Variants in NOL4 observed in about 807,000 individuals in gnomAD.
NOL4 encodes the protein cancer/testis antigen 125.
A neutral mutation model predicts 75.9 loss-of-function variants in NOL4; 17 were observed. That is an observed-to-expected ratio of 0.22 (90% CI 0.15 to 0.34). The LOEUF is 0.34. NOL4 is among the 10% of genes least tolerant of loss of function. The pLI, the probability that NOL4 is intolerant of heterozygous loss-of-function variation, is 1.00. For synonymous variants in NOL4, 292 were observed against 289.9 expected (o/e 1.01, Z -0.07); for missense variants, 614 against 793.5 (o/e 0.77, Z 2.72).
rs759397338 is a variant in NOL4 at position 34,223,110 on chromosome 18, C to T, written c.144G>A (p.Thr48=). Residue 48 remains threonine, a synonymous_variant, in exon 1 of 11, where the codon ACG becomes ACA. Coordinates refer to ENST00000261592, the MANE Select transcript of NOL4 (RefSeq NM_003787.5). ...QLLNGSESSS[T]DNAKFKFWVK... ...CCCAGAATTTAAATTTGGCGTTGTC[C>T]GTGGAGCTCGACTCGGAGCCATTGA... is the stretch of plus-strand genomic sequence containing the variant. 2 of 1,614,128 alleles carry T rather than the reference C, an allele frequency of 1.2e-6. No individual in the cohort carries two copies. Among genetic ancestry groups the T allele is most frequent in the South Asian group, 1.1e-5 (1 of 91,074 alleles).
chr18:33,879,317 T>C lies in NOL4; in HGVS notation c.1723+3927A>G, dbSNP rs539304713. Among the ~76,000 whole-genome samples, 10 of 152,178 alleles carry C rather than the reference T, an allele frequency of 6.6e-5. No individual in the cohort carries two copies. The South Asian group carries it at 2.1e-3, about 32-fold the overall frequency. ...TCCAATAGTATAAATCCTTATTCCA[T>C]GAATGTTGGCATTCTATAAGTACTT... On this transcript the variant is annotated intron_variant, in intron 10 of 10. Transcript: ENST00000261592.
chr18:34,001,111 T>TA (rs2073666927), intron 6 of NOL4, among the ~76,000 whole-genome samples: 1 of 152,180 alleles, frequency 6.6e-6, no homozygotes, highest in South Asian at 2.1e-4. Context: ...ATCAACAGTC[T>TA]CAGTGTAAGA....
intron 5 of NOL4, among the ~76,000 whole-genome samples, chr18:34,088,828 A>G (rs538497874): frequency 6.6e-6 from 1 of 152,208 alleles, no homozygotes; most frequent in Non-Finnish European, 1.5e-5. Context: ...GTTTTTATTG[A>G]GTTAGGGAAA....
At chr18:33,900,056 A>G (rs1022295919) in intron 9 of NOL4, among the ~76,000 whole-genome samples, 1 of 152,172 alleles carries the variant, frequency 6.6e-6, no homozygotes, top group Non-Finnish European at 1.5e-5. Context: ...TCCATTTTGC[A>G]CTGCTATAAA....
rs148036268 is a variant in NOL4 at position 33,898,929 on chromosome 18, G to T, written c.1543-15505C>A. Among the ~76,000 whole-genome samples, 293 of 152,178 alleles carry T rather than the reference G, an allele frequency of 1.9e-3. 2 individuals are homozygous for T. Among genetic ancestry groups the T allele is most frequent in the Middle Eastern group, 3.4e-3 (1 of 294 alleles). ...AGTCAGACTATGACAGTGAAAAGCA[G>T]GCCTAACATTATTAACTCAATTTTG... On this transcript the variant is annotated intron_variant, in intron 9 of 10. Transcript: ENST00000261592.
chr18:34,172,841 T>C (rs1292075398), intron 1 of NOL4, among the ~76,000 whole-genome samples: 1 of 152,144 alleles, frequency 6.6e-6, no homozygotes, highest in Admixed American at 6.6e-5. Context: ...TTCTGGTTTT[T>C]GCACATTTTA....
chr18:33,862,218 T>A (rs950878370), intron 10 of NOL4, among the ~76,000 whole-genome samples: 1 of 152,104 alleles, frequency 6.6e-6, no homozygotes, highest in Non-Finnish European at 1.5e-5. Flanking sequence ...GCTAGCCATA[T>A]GTAGAAAGCT....
chr18:34,072,990 G>C (rs1220865568), intron 5 of NOL4, among the ~76,000 whole-genome samples: 2 of 152,114 alleles, frequency 1.3e-5, no homozygotes, highest in Non-Finnish European at 2.9e-5. Flanking sequence ...TATTAGCTAT[G>C]AGGAGTTTAA....
In NOL4 at chr18:34,104,442, G is replaced by T. The variant is rs2079176813; in HGVS notation, c.527-283C>A. Among the ~76,000 whole-genome samples, 7 of 152,036 alleles carry T rather than the reference G, an allele frequency of 4.6e-5. No individual in the cohort carries two copies. In the South Asian group the frequency reaches 1.4e-3, roughly 31 times the overall value. Reference sequence around the variant, plus strand: ...AATGTGGTTACTAACACAATTATTTGTATTTTTCTTCTTTGCTTTACTTTC... The same window carrying T: ...AATGTGGTTACTAACACAATTATTTTTATTTTTCTTCTTTGCTTTACTTTC... On this transcript the variant is annotated intron_variant, in intron 3 of 10. Transcript: ENST00000261592.
Position 34,192,078 on chromosome 18 carries a change from T to C in NOL4, c.264+30912A>G, listed in dbSNP as rs76510922. On this transcript the variant is annotated intron_variant, in intron 1 of 10. Transcript: ENST00000261592. ...CTATGTCAGGATTGTATATTAAAGC[T>C]CTGAAATTTTGGCAAGATTTTCAGC... is the stretch of plus-strand genomic sequence containing the variant. Among the ~76,000 whole-genome samples the C allele has an allele frequency of 8.8e-3, 1,333 of 152,276 alleles. 4 individuals carry two copies. Among genetic ancestry groups the C allele is most frequent in the Middle Eastern group, 0.034 (10 of 294 alleles).
At chr18:33,886,667 A>C (rs34648850) in intron 9 of NOL4, among the ~76,000 whole-genome samples, 1 of 150,080 alleles carries the variant, frequency 6.7e-6, no homozygotes, top group Admixed American at 6.7e-5. Context: ...TGTGACTCAA[A>C]GGATAAATGC....
rs116347843 is a variant in NOL4 at position 33,955,232 on chromosome 18, T to C, written c.1428+2094A>G. Among the ~76,000 whole-genome samples the C allele has an allele frequency of 5.7e-3, 872 of 152,188 alleles. 8 individuals carry two copies. Among genetic ancestry groups the C allele is most frequent in the African/African-American group, 0.02 (816 of 41,548 alleles). The stretch of plus-strand genomic sequence containing the variant: ...TTTTCAGTTTAAAGAATCGCTTAAT[T>C]CATTTTTATAATACTTCTATTTGTT... On this transcript the variant is annotated intron_variant, in intron 8 of 10. Transcript: ENST00000261592.
chr18:33,879,539 A>G (rs1369423602), intron 10 of NOL4, among the ~76,000 whole-genome samples: 1 of 151,914 alleles, frequency 6.6e-6, no homozygotes, highest in Non-Finnish European at 1.5e-5. Flanking sequence ...AAATTAGCCC[A>G]GCATGGAGGC....
rs569837589 is a variant in NOL4, at chr18:34,161,930, TAGG to T, written c.265-31913_265-31911del. Among the ~76,000 whole-genome samples, 21 of 152,270 alleles carry T rather than the reference TAGG, an allele frequency of 1.4e-4. No individual in the cohort carries two copies. The South Asian group carries it at 4.3e-3, about 32-fold the overall frequency. ...TTCCCTTTAAATGTGATTCAGTAAA[TAGG>T]AGATTAGTAAAGGTAATATTTATTT... On this transcript the variant is annotated intron_variant, in intron 1 of 10. Transcript: ENST00000261592.
intron 10 of NOL4, among the ~76,000 whole-genome samples, chr18:33,880,623 C>A (rs1397752967): frequency 6.6e-6 from 1 of 151,974 alleles, no homozygotes; most frequent in Admixed American, 6.6e-5. Flanking sequence ...ACCCATGCGT[C>A]CTTTCCATGT....
At chr18:34,015,014 TA>T (rs1486910009) in intron 6 of NOL4, among the ~76,000 whole-genome samples, 1 of 152,046 alleles carries the variant, frequency 6.6e-6, no homozygotes, top group Non-Finnish European at 1.5e-5. Context: ...TAAGCTTTTA[TA>T]GCCCTCCAAG....
At chr18:34,039,147 G>A (rs906353250) in intron 5 of NOL4, among the ~76,000 whole-genome samples, 1 of 151,744 alleles carries the variant, frequency 6.6e-6, no homozygotes, top group Non-Finnish European at 1.5e-5. Flanking sequence ...AACAATTTTG[G>A]ATATTCTTTT....
intron 2 of NOL4, among the ~76,000 whole-genome samples, chr18:34,119,229 TATC>T (rs902575594): frequency 1.3e-5 from 2 of 152,202 alleles, no homozygotes; most frequent in African/African-American, 4.8e-5. Flanking sequence ...CCTAACTACT[TATC>T]TATCTATAGA....
chr18:34,140,707 T>A (rs1282291399), intron 1 of NOL4, among the ~76,000 whole-genome samples: 1 of 152,172 alleles, frequency 6.6e-6, no homozygotes, highest in Admixed American at 6.6e-5. Context: ...TATGTGTGAA[T>A]TTGATCCTGT....
Sources: gnomAD v4.1 joint callset for allele counts (sites outside exome capture counted in the v4.1 genomes callset) on GRCh38, gnomAD v4.1.1 for gene constraint, MANE v1.5 for transcripts, NCBI Gene and HGNC (gene_info 2026-07-23, HGNC 2026-07-21) for gene names.